FOXN2: variants seen among roughly 807,000 people sequenced by gnomAD.
FOXN2 encodes forkhead box N2, also known as forkhead box protein N2.
FOXN2 carries 19 observed loss-of-function variants against 41.2 expected under a neutral mutation model. The observed-to-expected ratio is 0.46, with a 90% confidence interval of 0.32 to 0.68. The LOEUF is 0.68. FOXN2 is among the 30% of genes least tolerant of loss of function. The pLI is 0.03. For missense variants in FOXN2, 587 were observed against 509.4 expected (o/e 1.15, Z -1.47); for synonymous variants, 195 against 176.8 (o/e 1.10, Z -0.82).
At chr2:48,372,526 A>T (rs1255984647) in intron 5 of FOXN2, among the ~76,000 whole-genome samples, 1 of 152,168 alleles carries the variant, frequency 6.6e-6, no homozygotes, top group African/African-American at 2.4e-5. Context: ...TGTAATTTAG[A>T]TTATACCATT....
At chr2:48,349,098 A>G (rs1671290273) in intron 3 of FOXN2, among the ~76,000 whole-genome samples, 1 of 152,126 alleles carries the variant, frequency 6.6e-6, no homozygotes, top group South Asian at 2.1e-4. Flanking sequence ...CAGTAGCAAA[A>G]TGTACTCTTT....
chr2:48,343,787 C>A (rs1165231661), intron 2 of FOXN2, among the ~76,000 whole-genome samples: 1 of 151,822 alleles, frequency 6.6e-6, no homozygotes, highest in East Asian at 1.9e-4. Context: ...CTCTTGCCTC[C>A]TCATGGAATT....
intron 4 of FOXN2, 63 bp downstream of exon 4, chr2:48,359,210 A>G: frequency 9.1e-7 from 1 of 1,096,072 alleles, no homozygotes; most frequent in Non-Finnish European, 1.4e-6. Context: ...GAGATGGAGA[A>G]ACTTAAAGGT....
At chr2:48,346,774 A>G (rs202080782) in intron 3 of FOXN2, 23 bp downstream of exon 3, 23 of 1,528,612 alleles carry the variant, frequency 1.5e-5, no homozygotes, top group East Asian at 2.3e-5. Flanking sequence ...GAACATTGCT[A>G]TATTTGGTGA....
intron 3 of FOXN2, among the ~76,000 whole-genome samples, chr2:48,355,544 A>G (rs1419989059): frequency 6.6e-6 from 1 of 152,092 alleles, no homozygotes; most frequent in Non-Finnish European, 1.5e-5. Flanking sequence ...AGATTTGGGA[A>G]TGCATGTGGA....
chr2:48,371,820 G>T (rs1323730855), intron 5 of FOXN2, among the ~76,000 whole-genome samples: 1 of 152,024 alleles, frequency 6.6e-6, no homozygotes, highest in Non-Finnish European at 1.5e-5. Context: ...TTGCCATCTT[G>T]ATTTCTTTTT....
rs112659851 is a variant in FOXN2 at position 48,317,496 on chromosome 2, G to T, written c.-157+2682G>T. On this transcript the variant is annotated intron_variant, in intron 1 of 6. Transcript: ENST00000340553. ...GAAGGGTTGAGAACAAAGATTTGAT[G>T]CTTTGGGAAACTAACATTTAAGGAG... Among the ~76,000 whole-genome samples the T allele has an allele frequency of 4.7e-3, 701 of 148,510 alleles. 8 individuals are homozygous for T. Among genetic ancestry groups the T allele is most frequent in the African/African-American group, 0.016 (659 of 40,470 alleles).
chr2:48,367,386 A>G (rs757215887), intron 5 of FOXN2, among the ~76,000 whole-genome samples: 1 of 152,208 alleles, frequency 6.6e-6, no homozygotes, highest in Non-Finnish European at 1.5e-5. Context: ...GGTATACTAC[A>G]AACAGATATA....
intron 5 of FOXN2, among the ~76,000 whole-genome samples, chr2:48,369,984 AG>A (rs1033139484): frequency 6.6e-6 from 1 of 152,040 alleles, no homozygotes; most frequent in South Asian, 2.1e-4. Context: ...TGAGTGACAG[AG>A]GGAGACCTTG....
chr2:48,354,051 C>T (rs899995849), intron 3 of FOXN2, among the ~76,000 whole-genome samples: 4 of 152,082 alleles, frequency 2.6e-5, no homozygotes, highest in Admixed American at 2.0e-4. Flanking sequence ...TAAAAGGTAA[C>T]CATCTACTAG....
At chr2:48,335,245 C>T (rs960296177) in intron 2 of FOXN2, among the ~76,000 whole-genome samples, 4 of 152,044 alleles carry the variant, frequency 2.6e-5, no homozygotes, top group African/African-American at 7.2e-5. Context: ...AAGAAAAGAG[C>T]AAACATGTTG....
rs144458545 is a variant in FOXN2, at chr2:48,319,005, G to A, written c.-157+4191G>A. On this transcript the variant is annotated intron_variant, in intron 1 of 6. Transcript: ENST00000340553. ...ATGGAAAATTACTTTGATTCTTCCC[G>A]AGTAGATACATTACTGTTAAATCCC... Among the ~76,000 whole-genome samples the A allele has an allele frequency of 4.6e-5, 7 of 152,234 alleles. No individual in the cohort carries two copies. The East Asian group carries it at 5.8e-4, about 13-fold the overall frequency.
intron 5 of FOXN2, among the ~76,000 whole-genome samples, chr2:48,370,728 T>C (rs901978546): frequency 6.6e-6 from 1 of 152,162 alleles, no homozygotes; most frequent in Non-Finnish European, 1.5e-5. Flanking sequence ...ATGAGTAGTT[T>C]GCATATATTT....
intron 3 of FOXN2, among the ~76,000 whole-genome samples, chr2:48,348,346 A>C (rs77545871): frequency 0.075 from 11,461 of 152,090 alleles, 599 homozygotes; most frequent in Non-Finnish European, 0.12. Flanking sequence ...GGACTTCTTC[A>C]TGTTTTTAAT....
chr2:48,325,264 A>T (rs1358898796), intron 1 of FOXN2, among the ~76,000 whole-genome samples: 1 of 152,204 alleles, frequency 6.6e-6, no homozygotes, highest in Admixed American at 6.5e-5. Context: ...TAAAATAGAC[A>T]CTAATAATGG....
At chr2:48,328,478 A>G (rs955140771) in intron 1 of FOXN2, 83 bp from the exon 2 acceptor site, 4 of 152,234 alleles carry the variant, frequency 2.6e-5, no homozygotes, top group Admixed American at 2.6e-4. Context: ...TGTTTAGGGA[A>G]TAACGACAAG....
chr2:48,375,372 G>A lies in FOXN2; in HGVS notation c.1225G>A (p.Gly409Arg), dbSNP rs1319461462. 1.2e-6 allele frequency: 2 copies of A among 1,613,560 alleles called. No homozygotes were observed. Among genetic ancestry groups the A allele is most frequent in the Non-Finnish European group, 1.7e-6 (2 of 1,179,786 alleles). ...EAAGSLLHLA[G>R]IRTCLGSLIS... is the part of the protein sequence containing the mutation. ...AGCTGGATCTCTGCTCCACCTTGCTGGAATTCGTACATGTTTAGGTTCCCT... is the reference window on the plus strand; with the variant it reads ...AGCTGGATCTCTGCTCCACCTTGCTAGAATTCGTACATGTTTAGGTTCCCT... The change falls in exon 7 of 7, where the codon GGA becomes AGA. Residue 409 changes from glycine (G) to arginine (R), a missense_variant. Coordinates refer to ENST00000340553, the MANE Select transcript of FOXN2 (RefSeq NM_002158.4).
At chr2:48,321,904 G>A (rs995025117) in intron 1 of FOXN2, among the ~76,000 whole-genome samples, 2 of 152,204 alleles carry the variant, frequency 1.3e-5, no homozygotes, top group Non-Finnish European at 2.9e-5. Flanking sequence ...TAGTGGCTGA[G>A]ATAGAACTGT....
In FOXN2 at chr2:48,378,900, T is replaced by C. The variant is rs548160041; in HGVS notation, c.*3457T>C. ...TTTTTAAATCGTTGTACATTTCTTA[T>C]TAAACTAAGTGCTTAATTTTAAAGT... On this transcript the variant is annotated 3_prime_UTR_variant, in exon 7 of 7. Coordinates refer to ENST00000340553, the MANE Select transcript of FOXN2 (RefSeq NM_002158.4). The C allele has an allele frequency of 6.5e-6, 1 of 152,728 alleles. No homozygotes were observed. Among genetic ancestry groups the C allele is most frequent in the African/African-American group, 2.4e-5 (1 of 41,586 alleles). 9.5% of individuals were successfully genotyped at this position (152,728 alleles called of 1,614,324 possible).
Sources: gnomAD v4.1 joint callset for allele counts (sites outside exome capture counted in the v4.1 genomes callset) on GRCh38, gnomAD v4.1.1 for gene constraint, MANE v1.5 for transcripts, NCBI Gene and HGNC (gene_info 2026-07-23, HGNC 2026-07-21) for gene names.